The following LRRTM4 variants were observed in gnomAD, a reference collection of about 807,000 sequenced individuals.
The protein encoded by LRRTM4 is leucine rich repeat transmembrane neuronal 4.
A neutral mutation model predicts 47.6 loss-of-function variants in LRRTM4; 25 were observed. The observed-to-expected ratio is 0.53, with a 90% confidence interval of 0.38 to 0.73. The LOEUF (loss-of-function observed/expected upper bound fraction) is 0.73. Among genes scored for constraint, LRRTM4 ranks in the 30% least tolerant of loss-of-function variants. LRRTM4 has a pLI of 0.00. For missense variants in LRRTM4, 638 were observed against 713.4 expected, an observed-to-expected ratio of 0.89 and a Z score of 1.20; for synonymous variants, 311 against 269.5, an observed-to-expected ratio of 1.15 and a Z score of -1.51.
intron 3 of LRRTM4, among the ~76,000 whole-genome samples, chr2:77,268,348 A>G (rs1676106893): frequency 6.6e-6 from 1 of 152,080 alleles, no homozygotes; most frequent in Admixed American, 6.6e-5. Context: ...CAGTATTCTT[A>G]GTCATTTTTT....
chr2:77,463,144 GCTGTATGGTATAGC>G (rs1676854376), intron 3 of LRRTM4, among the ~76,000 whole-genome samples: 1 of 151,926 alleles, frequency 6.6e-6, no homozygotes, highest in South Asian at 2.1e-4. Context: ...ACACACCTAG[GCTGTATGGTATAGC>G]CTGTTGCTTC....
chr2:77,364,039 C>T (rs563468992), intron 3 of LRRTM4, among the ~76,000 whole-genome samples: 2 of 151,616 alleles, frequency 1.3e-5, no homozygotes, highest in South Asian at 4.2e-4. Flanking sequence ...CTCAACACAC[C>T]TAAATTTGAA....
chr2:77,248,431 T>C (rs889154407), intron 3 of LRRTM4, among the ~76,000 whole-genome samples: 5 of 152,054 alleles, frequency 3.3e-5, no homozygotes, highest in Non-Finnish European at 7.4e-5. Context: ...TCCATGTTTA[T>C]GGACAGAAAG....
intron 3 of LRRTM4, among the ~76,000 whole-genome samples, chr2:77,368,537 A>G (rs1672541537): frequency 6.6e-6 from 1 of 151,864 alleles, no homozygotes; most frequent in Non-Finnish European, 1.5e-5. Context: ...CAGATGAGGA[A>G]TCTTTGGGTT....
chr2:77,020,079 GGATA>G (rs1478478400), intron 3 of LRRTM4, among the ~76,000 whole-genome samples: 2 of 151,994 alleles, frequency 1.3e-5, no homozygotes, highest in African/African-American at 2.4e-5. Flanking sequence ...GATGTGTCTA[GGATA>G]GATATTATAA....
chr2:76,796,911 G>A (rs1439430740), intron 3 of LRRTM4, among the ~76,000 whole-genome samples: 1 of 152,042 alleles, frequency 6.6e-6, no homozygotes. Flanking sequence ...GGGAAGTTTA[G>A]AGAAAAAAGA....
chr2:76,765,608 G>A (rs1673425492), intron 3 of LRRTM4, among the ~76,000 whole-genome samples: 1 of 152,114 alleles, frequency 6.6e-6, no homozygotes, highest in African/African-American at 2.4e-5. Flanking sequence ...TTCCCCATGT[G>A]TACAAAGGAG....
chr2:77,427,069 C>A (rs1200484912), intron 3 of LRRTM4, among the ~76,000 whole-genome samples: 1 of 151,438 alleles, frequency 6.6e-6, no homozygotes, highest in Non-Finnish European at 1.5e-5. Flanking sequence ...ACCTCCGCCT[C>A]CTGGGTTCAA....
At chr2:77,073,128 G>A (rs1680216681) in intron 3 of LRRTM4, among the ~76,000 whole-genome samples, 1 of 151,220 alleles carries the variant, frequency 6.6e-6, no homozygotes, top group Admixed American at 6.6e-5. Flanking sequence ...CACCTGCTAT[G>A]TTTCTGATAC....
intron 3 of LRRTM4, among the ~76,000 whole-genome samples, chr2:76,763,843 G>T (rs930259013): frequency 6.6e-6 from 1 of 152,126 alleles, no homozygotes; most frequent in Admixed American, 6.5e-5. Flanking sequence ...TCTGTACATT[G>T]TAGCATGTTT....
chr2:77,253,256 T>G (rs1675671904), intron 3 of LRRTM4, among the ~76,000 whole-genome samples: 1 of 152,164 alleles, frequency 6.6e-6, no homozygotes, highest in South Asian at 2.1e-4. Flanking sequence ...TCCCATACTT[T>G]TATTCATACT....
At chr2:77,415,966 T>C (rs1304581060) in intron 3 of LRRTM4, among the ~76,000 whole-genome samples, 1 of 152,154 alleles carries the variant, frequency 6.6e-6, no homozygotes, top group Non-Finnish European at 1.5e-5. Context: ...TTTTGGTTAC[T>C]AGATGGTGAC....
At chr2:76,864,113 G>A (rs1182007466) in intron 3 of LRRTM4, among the ~76,000 whole-genome samples, 1 of 152,204 alleles carries the variant, frequency 6.6e-6, no homozygotes, top group Non-Finnish European at 1.5e-5. Flanking sequence ...GAGAAGAAAA[G>A]TCTTGGGGAA....
chr2:77,399,140 C>T (rs544393225), intron 3 of LRRTM4, among the ~76,000 whole-genome samples: 1 of 149,610 alleles, frequency 6.7e-6, no homozygotes, highest in African/African-American at 2.5e-5. Context: ...CTATTGAAGT[C>T]AATAGGGGTC....
At chr2:76,824,943 A>G (rs1671151601) in intron 3 of LRRTM4, among the ~76,000 whole-genome samples, 1 of 151,634 alleles carries the variant, frequency 6.6e-6, no homozygotes, top group Non-Finnish European at 1.5e-5. Context: ...GACACTTCAA[A>G]TGTACCAAAT....
At chr2:76,960,729 T>C (rs1465182638) in intron 3 of LRRTM4, among the ~76,000 whole-genome samples, 1 of 151,618 alleles carries the variant, frequency 6.6e-6, no homozygotes, top group African/African-American at 2.4e-5. Flanking sequence ...ATTTGTTATG[T>C]AACACTATAC....
At chr2:76,794,476 C>A (rs1173703806) in intron 3 of LRRTM4, among the ~76,000 whole-genome samples, 1 of 152,024 alleles carries the variant, frequency 6.6e-6, no homozygotes, top group East Asian at 1.9e-4. Flanking sequence ...TTCTTTCTTT[C>A]AAAATTTCAC....
chr2:76,969,124 T>C (rs1573383027), intron 3 of LRRTM4, among the ~76,000 whole-genome samples: 1 of 152,040 alleles, frequency 6.6e-6, no homozygotes, highest in Admixed American at 6.6e-5. Context: ...TTAAAGCTTT[T>C]TGTCCTCCTT....
intron 3 of LRRTM4, among the ~76,000 whole-genome samples, chr2:76,991,554 T>G (rs997628997): frequency 6.6e-6 from 1 of 151,796 alleles, no homozygotes; most frequent in Non-Finnish European, 1.5e-5. Context: ...AACAAATTCC[T>G]TGAAATGCAC....
Sources: gnomAD v4.1 joint callset for allele counts (sites outside exome capture counted in the v4.1 genomes callset) on GRCh38, gnomAD v4.1.1 for gene constraint, MANE v1.5 for transcripts, NCBI Gene and HGNC (gene_info 2026-07-23, HGNC 2026-07-21) for gene names.